WNK1: variants seen among roughly 807,000 people sequenced by gnomAD.
WNK1 encodes WNK lysine deficient protein kinase 1, also known as serine/threonine-protein kinase WNK1.
In WNK1, 38 loss-of-function variants were observed where a neutral mutation model predicts 222.8. That is an observed-to-expected ratio of 0.17 (90% CI 0.13 to 0.22). The LOEUF (loss-of-function observed/expected upper bound fraction) is 0.22. Ranked by LOEUF, WNK1 falls within the 10% of genes least tolerant of loss-of-function variation. The pLI, the probability that WNK1 is intolerant of heterozygous loss-of-function variation, is 1.00. For missense variants in WNK1, 2,348 were observed against 2,918.4 expected (o/e 0.80, Z 4.50); for synonymous variants, 1,090 against 1,092.9 (o/e 1.00, Z 0.05).
intron 1 of WNK1, among the ~76,000 whole-genome samples, chr12:778,425 C>T (rs1012500614): frequency 6.6e-5 from 10 of 152,098 alleles, no homozygotes; most frequent in Admixed American, 2.6e-4. Context: ...CTCCACCTCC[C>T]GGGTTCAAGC....
rs187640080 is a variant in WNK1, at chr12:848,718, A to G, written c.1312-8443A>G. 5.9e-5 allele frequency among the ~76,000 whole-genome samples: 9 copies of G among 152,274 alleles called. 1 individual carries two copies. The highest frequency in any genetic ancestry group is 2.6e-4 in the Admixed American group (4 of 15,292). On this transcript the variant is annotated intron_variant, in intron 4 of 27. Coordinates refer to ENST00000315939, the MANE Select transcript of WNK1 (RefSeq NM_018979.4). ...GGAAATAATGACACGATTGAAAGAA[A>G]TAGGGGAAATCCAGAGAAAGGCACT...
Position 753,979 on chromosome 12 carries a change from A to C in WNK1, c.414A>C (p.Pro138=), listed in dbSNP as rs748295529. The change falls in exon 1 of 28, where the codon CCA becomes CCC. Residue 138 remains proline (P), a synonymous_variant. Coordinates refer to ENST00000315939, the MANE Select transcript of WNK1 (RefSeq NM_018979.4). This position sits in a 1 kb window ranked among gnomAD's most constrained non-coding sequence, Gnocchi z 5.2. ...TATSQVAQQP[P]AAAAPGEQAV... The stretch of plus-strand genomic sequence containing the variant: ...CTTCCCAGGTAGCCCAGCAGCCTCC[A>C]GCCGCTGCCGCCCCTGGGGAACAGG... 5.0e-6 allele frequency: 8 copies of C among 1,594,632 alleles called. No homozygotes were observed. The African/African-American group carries it at 1.1e-4, about 21-fold the overall frequency.
chr12:889,088 G>A (rs916021511), intron 20 of WNK1, 52 bp from the exon 21 acceptor site: 191 of 1,470,158 alleles, frequency 1.3e-4, no homozygotes, highest in Middle Eastern at 1.7e-4. Context: ...GCTATATATC[G>A]TGACTCTGAA....
chr12:844,325 G>A (rs1439319361), intron 4 of WNK1, among the ~76,000 whole-genome samples: 4 of 152,028 alleles, frequency 2.6e-5, no homozygotes, highest in Admixed American at 2.6e-4. Context: ...GGTAGAGATG[G>A]GGGTTTCACC....
At chr12:794,066 TCATC>T (rs1179825074) in intron 1 of WNK1, among the ~76,000 whole-genome samples, 1 of 152,200 alleles carries the variant, frequency 6.6e-6, no homozygotes, top group African/African-American at 2.4e-5. Context: ...TTTTTAATGT[TCATC>T]CATGTTATAG....
Position 900,612 on chromosome 12 carries a change from T to C in WNK1, c.6585T>C (p.Tyr2195=), listed in dbSNP as rs1955175256. 3 of 1,614,096 alleles carry C rather than the reference T, an allele frequency of 1.9e-6. No individual in the cohort carries two copies. The highest frequency in any genetic ancestry group is 1.6e-4 in the Middle Eastern group (1 of 6,084). ...CATCTCCCTCCAGTGACAACCTCTA[T>C]TCAGCCTTCACCAGTGATGGTGCCA... is the stretch of plus-strand genomic sequence containing the variant. ...LKPSPSSDNL[Y]SAFTSDGAIS... The change falls in exon 26 of 28, where the codon TAT becomes TAC. Residue 2195 remains tyrosine (Y), a synonymous_variant. Coordinates refer to ENST00000315939, the MANE Select transcript of WNK1 (RefSeq NM_018979.4).
In WNK1 at chr12:879,855, C is replaced by T. The variant is rs569121553; in HGVS notation, c.2656C>T (p.Pro886Ser). ...TTCATCTGCTACAACAGCTGCGATC[C>T]CGGGGGTATCAACTGTGGTTCCTAG... is the stretch of plus-strand genomic sequence containing the variant. ...LASSATTAAI[P>S]GVSTVVPSQL... Residue 886 changes from proline (P) to serine (S), a missense_variant, in exon 11 of 28, where the codon CCG (proline) becomes TCG (serine). By Grantham distance (74) the Pro-to-Ser change is moderately conservative. This residue lies in a region of WNK1 where 547 missense variants were observed against 558.3 expected (regional missense o/e 0.98). Transcript: ENST00000315939. 1.2e-6 allele frequency: 2 copies of T among 1,614,096 alleles called. No individual in the cohort carries two copies. The highest frequency in any genetic ancestry group is 2.2e-5 in the East Asian group (1 of 44,872).
At chr12:791,982 T>C (rs79022983) in intron 1 of WNK1, among the ~76,000 whole-genome samples, 10,321 of 152,212 alleles carry the variant, frequency 0.068, 412 homozygotes, top group African/African-American at 0.086. Context: ...ATGAGGGGAA[T>C]TGCAGGATTT....
intron 22 of WNK1, among the ~76,000 whole-genome samples, chr12:891,602 C>CTTTT (rs71441624): frequency 1.6e-5 from 2 of 126,010 alleles, no homozygotes; most frequent in African/African-American, 5.9e-5. Flanking sequence ...GATTTTTTTT[C>CTTTT]TTTTTTTTTT....
At chr12:765,082 AG>A (rs1565395451) in intron 1 of WNK1, among the ~76,000 whole-genome samples, 1 of 148,054 alleles carries the variant, frequency 6.8e-6, no homozygotes, top group Non-Finnish European at 1.5e-5. Context: ...CACCCATCTC[AG>A]TCTTCCAAAG....
chr12:812,558 T>G (rs573383538), intron 1 of WNK1, among the ~76,000 whole-genome samples: 1 of 152,332 alleles, frequency 6.6e-6, no homozygotes, highest in African/African-American at 2.4e-5. Flanking sequence ...TTAATGCTAT[T>G]GGGCAGAGTA....
At chr12:822,706 A>G (rs1317974725) in intron 2 of WNK1, among the ~76,000 whole-genome samples, 1 of 152,178 alleles carries the variant, frequency 6.6e-6, no homozygotes, top group Non-Finnish European at 1.5e-5. Context: ...TTTTATGTTT[A>G]TACATTGTGT....
At chr12:793,888 C>G (rs965842303) in intron 1 of WNK1, among the ~76,000 whole-genome samples, 1 of 152,018 alleles carries the variant, frequency 6.6e-6, no homozygotes, top group East Asian at 1.9e-4. Context: ...ACATTTTAAT[C>G]ACTTCCTCCA....
intron 26 of WNK1, among the ~76,000 whole-genome samples, chr12:907,275 C>T (rs970575530): frequency 6.7e-6 from 1 of 148,700 alleles, no homozygotes; most frequent in South Asian, 2.1e-4. Flanking sequence ...TAGGTAGGAT[C>T]GTACCACTGC....
intron 8 of WNK1, 138 bp downstream of exon 8, chr12:862,408 A>G (rs2154066779): frequency 4.2e-6 from 4 of 954,706 alleles, no homozygotes; most frequent in East Asian, 2.6e-5. Context: ...CTAAAGCCTT[A>G]TTATAGAGTA....
chr12:897,878 A>G (rs1212486652), intron 25 of WNK1, among the ~76,000 whole-genome samples, 197 bp downstream of exon 25: 1 of 152,226 alleles, frequency 6.6e-6, no homozygotes, highest in Admixed American at 6.5e-5. Flanking sequence ...GACTTAGTGA[A>G]TACAATGGCT....
chr12:845,090 T>C (rs1202333454), intron 4 of WNK1, among the ~76,000 whole-genome samples: 1 of 150,944 alleles, frequency 6.6e-6, no homozygotes, highest in Non-Finnish European at 1.5e-5. Flanking sequence ...AGAGACGGGG[T>C]TTCACCGTTT....
chr12:831,676 T>A (rs983900746), intron 4 of WNK1, among the ~76,000 whole-genome samples: 1 of 152,226 alleles, frequency 6.6e-6, no homozygotes, highest in Non-Finnish European at 1.5e-5. Context: ...AATATATATT[T>A]GTAACATAAT....
chr12:860,667 G>T (rs1458760192), intron 6 of WNK1, among the ~76,000 whole-genome samples: 1 of 152,242 alleles, frequency 6.6e-6, no homozygotes, highest in East Asian at 1.9e-4. Flanking sequence ...GTGGTTACGT[G>T]TGAGGGGGAA....
Sources: allele counts gnomAD v4.1 joint callset (sites outside exome capture counted in the v4.1 genomes callset), GRCh38; gene constraint gnomAD v4.1.1; regional missense constraint gnomAD v4.1.1; non-coding constraint Gnocchi (gnomAD v3.1); transcripts MANE v1.5; gene names NCBI Gene and HGNC (gene_info 2026-07-23, HGNC 2026-07-21).